CCDC171: variants seen among roughly 807,000 people sequenced by gnomAD.
CCDC171 encodes coiled-coil domain-containing protein 171.
In CCDC171, 177 loss-of-function variants were observed where a neutral mutation model predicts 168.2. The ratio of observed to expected loss-of-function variants is 1.05; its 90% confidence interval spans 0.93 to 1.19. CCDC171 has a LOEUF of 1.19. CCDC171 is among the 50% of genes most tolerant of loss of function. The pLI is 0.00. For missense variants in CCDC171, 1,991 were observed against 1,539.0 expected (o/e 1.29, Z -4.91); for synonymous variants, 687 against 540.8 (o/e 1.27, Z -3.75).
chr9:16,058,281 C>A (rs1347591909), intron 1 of CCDC171, among the ~76,000 whole-genome samples: 1 of 152,116 alleles, frequency 6.6e-6, no homozygotes, highest in Non-Finnish European at 1.5e-5. Flanking sequence ...ATCTTTCTTT[C>A]CTCTCTCCCC....
rs140808718 is a variant in CCDC171 at position 15,817,052 on chromosome 9, C to G, written c.3268-29650C>G. ...TCCTTAAGGCTGTGGATGTTTTTCT[C>G]AGTTCTGGTGTTTTTCTGAGAGGAT... On this transcript the variant is annotated intron_variant, in intron 21 of 25. Coordinates refer to ENST00000380701, the MANE Select transcript of CCDC171 (RefSeq NM_173550.4). Among the ~76,000 whole-genome samples the G allele has an allele frequency of 1.7e-5, 2 of 117,984 alleles. 1 individual carries two copies. The highest frequency in any genetic ancestry group is 6.3e-5 in the African/African-American group (2 of 31,540). The allele number at this position is 117,984 out of a possible 152,430, so 77.4% of individuals were successfully genotyped here. A position where few individuals can be genotyped will look rare whatever the true frequency, so the allele number is the denominator to read the frequency against.
At chr9:15,931,231 C>T (rs977007739) in intron 25 of CCDC171, among the ~76,000 whole-genome samples, 2 of 151,670 alleles carry the variant, frequency 1.3e-5, no homozygotes, top group Admixed American at 1.3e-4. Context: ...CCTTTTTCTC[C>T]ACATCCTTAC....
chr9:15,721,485 A>T (rs531793527), intron 11 of CCDC171, among the ~76,000 whole-genome samples: 73 of 151,710 alleles, frequency 4.8e-4, no homozygotes, highest in African/African-American at 1.7e-3. Flanking sequence ...GTGGGTCTTG[A>T]TAAGGTAGAA....
chr9:15,923,520 A>G (rs1016406255), intron 25 of CCDC171, among the ~76,000 whole-genome samples: 14 of 151,282 alleles, frequency 9.3e-5, no homozygotes, highest in Non-Finnish European at 1.9e-4. Context: ...AGCAATGGGG[A>G]GATGTTGGTC....
intron 1 of CCDC171, among the ~76,000 whole-genome samples, chr9:15,560,660 C>T (rs1392640645): frequency 6.6e-6 from 1 of 152,084 alleles, no homozygotes; most frequent in Non-Finnish European, 1.5e-5. Flanking sequence ...AGCTTCTTTG[C>T]GATGGGTTTG....
chr9:16,079,972 C>T, the CCDC171 span, among the ~76,000 whole-genome samples: 4 of 152,182 alleles, frequency 2.6e-5, no homozygotes, highest in Non-Finnish European at 5.9e-5. Context: ...TATCATGTCA[C>T]TGTGTGATAA....
chr9:15,588,643 C>A, intron 4 of CCDC171: 1 of 262,044 alleles, frequency 3.8e-6, no homozygotes, highest in Non-Finnish European at 8.1e-6. Flanking sequence ...TAACTGTGCA[C>A]TTTTGGTGAC....
Position 15,984,258 on chromosome 9 carries a change from G to C in CCDC171, n.369-36331G>C, listed in dbSNP as rs115873876. Among the ~76,000 whole-genome samples the C allele has an allele frequency of 7.9e-3, 586 of 73,908 alleles. 5 individuals carry two copies. The highest frequency in any genetic ancestry group is 0.033 in the African/African-American group (577 of 17,382). The allele number at this position is 73,908 out of a possible 152,430, so 48.5% of individuals were successfully genotyped here. On this transcript the variant is annotated intron_variant and non_coding_transcript_variant, in intron 3 of 9. Transcript: ENST00000486641. ...TCCAGGCCTCAGAAAGCATACCACA[G>C]TGGATGCATATAGCTTCATGCCTAA...
chr9:15,556,154 G>A (rs1437365183), intron 1 of CCDC171, among the ~76,000 whole-genome samples: 1 of 152,164 alleles, frequency 6.6e-6, no homozygotes, highest in African/African-American at 2.4e-5. Context: ...ATGTGTGCAT[G>A]TGTCTTTATA....
At chr9:15,860,778 A>G (rs955050396) in intron 23 of CCDC171, among the ~76,000 whole-genome samples, 3 of 151,720 alleles carry the variant, frequency 2.0e-5, no homozygotes, top group African/African-American at 7.3e-5. Context: ...TTTGGTCTAT[A>G]GTGTTGTTTG....
At chr9:16,071,368 T>C in the CCDC171 span, among the ~76,000 whole-genome samples, 9 of 152,184 alleles carry the variant, frequency 5.9e-5, no homozygotes, top group African/African-American at 1.9e-4. Context: ...CCTCTCCCCT[T>C]GTCCACTGCT....
chr9:15,591,586 G>A (rs746448425), intron 5 of CCDC171, 30 bp downstream of exon 5: 74 of 1,222,790 alleles, frequency 6.1e-5, no homozygotes, highest in East Asian at 2.4e-5. Flanking sequence ...GGAATTTTCC[G>A]ATATGTAATA....
In CCDC171 at chr9:15,577,753, C is replaced by G. The variant is rs554871591; in HGVS notation, c.178-1096C>G. On this transcript the variant is annotated intron_variant, in intron 3 of 25. Transcript: ENST00000380701. ...CCAACATTAAGAACTGCTTCTATTCCCAAGGTTGATTAGAGCTAGAACTGG... is the reference window on the plus strand; with the variant it reads ...CCAACATTAAGAACTGCTTCTATTCGCAAGGTTGATTAGAGCTAGAACTGG... 1.1e-4 allele frequency among the ~76,000 whole-genome samples: 16 copies of G among 152,272 alleles called. 1 individual carries two copies. Among genetic ancestry groups the G allele is most frequent in the Admixed American group, 9.2e-4 (14 of 15,298 alleles).
In CCDC171 at chr9:15,830,252, G is replaced by T. The variant is rs1311090732; in HGVS notation, c.3268-16450G>T. On this transcript the variant is annotated intron_variant, in intron 21 of 25. Coordinates refer to ENST00000380701, the MANE Select transcript of CCDC171 (RefSeq NM_173550.4). ...TTATGGTGGTGGAAACTTGTAGGAA[G>T]TAAGACATGAAAGACTCATCTGATC... is the stretch of plus-strand genomic sequence containing the variant. Among the ~76,000 whole-genome samples the T allele has an allele frequency of 6.6e-5, 10 of 152,272 alleles. No individual in the cohort carries two copies. In the South Asian group the frequency reaches 2.1e-3, roughly 32 times the overall value.
chr9:15,906,599 C>T (rs1057018559), intron 24 of CCDC171, among the ~76,000 whole-genome samples: 2 of 152,120 alleles, frequency 1.3e-5, no homozygotes, highest in East Asian at 3.9e-4. Context: ...AGCATTCCCT[C>T]TGAAAACTGG....
chr9:15,867,106 A>G (rs952086379), intron 23 of CCDC171, among the ~76,000 whole-genome samples: 1 of 152,064 alleles, frequency 6.6e-6, no homozygotes, highest in Non-Finnish European at 1.5e-5. Context: ...GTGTGCTAAC[A>G]ATGAATTTGC....
intron 24 of CCDC171, among the ~76,000 whole-genome samples, chr9:15,876,818 T>C (rs932517096): frequency 1.3e-5 from 2 of 152,116 alleles, no homozygotes; most frequent in Admixed American, 1.3e-4. Flanking sequence ...GTTGTTTAAC[T>C]TTGTACTCTG....
intron 3 of CCDC171, among the ~76,000 whole-genome samples, chr9:15,999,525 A>G (rs1368411512): frequency 6.6e-6 from 1 of 152,146 alleles, no homozygotes; most frequent in East Asian, 1.9e-4. Context: ...GGACCTCTCT[A>G]TCCATCGAAG....
Position 15,790,368 on chromosome 9 carries a change from G to A in CCDC171, c.3267+5674G>A, listed in dbSNP as rs187946139. 1.8e-3 allele frequency among the ~76,000 whole-genome samples: 269 copies of A among 152,266 alleles called. 2 individuals carry two copies. The highest frequency in any genetic ancestry group is 6.1e-3 in the African/African-American group (252 of 41,542). On this transcript the variant is annotated intron_variant, in intron 21 of 25. Transcript: ENST00000380701. ...CCAGTGATGATGAGCATTTTTTCAT[G>A]TGTCTGTTGGCTGCATAAATGTCTT...
Sources: gnomAD v4.1 joint callset for allele counts (sites outside exome capture counted in the v4.1 genomes callset) on GRCh38, gnomAD v4.1.1 for gene constraint, MANE v1.5 for transcripts, NCBI Gene and HGNC (gene_info 2026-07-23, HGNC 2026-07-21) for gene names.